RAD21: variants seen among roughly 807,000 people sequenced by gnomAD.
RAD21 encodes the protein RAD21 cohesin complex component.
RAD21 carries 18 observed loss-of-function variants against 71.5 expected under a neutral mutation model. The ratio of observed to expected loss-of-function variants is 0.25; its 90% CI spans 0.17 to 0.37. The LOEUF (loss-of-function observed/expected upper bound fraction) is 0.37. Ranked by LOEUF, RAD21 falls within the 10% of genes least tolerant of loss-of-function variation. The pLI, the probability that RAD21 is intolerant of heterozygous loss-of-function variation, is 1.00. For missense variants in RAD21, 493 were observed against 769.1 expected, an observed-to-expected ratio of 0.64 and a Z score of 4.25; for synonymous variants, 248 against 254.0, an observed-to-expected ratio of 0.98 and a Z score of 0.22.
chr8:116,858,012 G>A (rs1261928341), intron 5 of RAD21, among the ~76,000 whole-genome samples: 1 of 152,258 alleles, frequency 6.6e-6, no homozygotes, highest in South Asian at 2.1e-4. Context: ...TTGCTAACTA[G>A]TTTTGAATAC....
rs1027062379 is a variant in RAD21 at position 116,846,056 on chromosome 8, C to G, written c.*1444G>C. The G allele has an allele frequency of 6.1e-5, 14 of 231,008 alleles. No homozygotes were observed. Among genetic ancestry groups the G allele is most frequent in the Non-Finnish European group, 1.2e-4 (14 of 116,508 alleles). The allele number at this position is 231,008 out of a possible 1,614,324, so 14.3% of individuals were successfully genotyped here. On this transcript the variant is annotated 3_prime_UTR_variant, in exon 14 of 14. Transcript: ENST00000297338. ...GACTAACAAAATGTGTAACAAGAAA[C>G]TAATGACCTTTCTAAAATCAAACAT...
At chr8:116,856,394 C>G (rs1246233297) in intron 7 of RAD21, 106 bp from the exon 8 acceptor site, 2 of 1,323,840 alleles carry the variant, frequency 1.5e-6, no homozygotes, top group African/African-American at 3.1e-5. Flanking sequence ...GGAAAGAAAT[C>G]CTGTTATTAC....
At chr8:116,858,221 C>A in intron 5 of RAD21, 131 bp downstream of exon 5, 3 of 680,054 alleles carry the variant, frequency 4.4e-6, no homozygotes, top group East Asian at 2.7e-5. Context: ...AAGCCAAATT[C>A]TTTTCTTGAT....
At chr8:116,857,512 A>G (rs1190030062) in intron 5 of RAD21, 39 bp from the exon 6 acceptor site, 1 of 1,531,192 alleles carries the variant, frequency 6.5e-7, no homozygotes, top group African/African-American at 1.4e-5. Flanking sequence ...TAGAAAGATT[A>G]GAAATAGCAC....
intron 8 of RAD21, among the ~76,000 whole-genome samples, chr8:116,854,791 T>C: frequency 6.6e-6 from 1 of 152,170 alleles, no homozygotes; most frequent in East Asian, 1.9e-4. Flanking sequence ...TATCACACTC[T>C]TCAGAGTTGG....
intron 9 of RAD21, 42 bp from the exon 10 acceptor site, chr8:116,852,750 A>T (rs1201488740): frequency 7.4e-7 from 1 of 1,352,932 alleles, no homozygotes; most frequent in African/African-American, 1.5e-5. Context: ...TTATAAAATA[A>T]ATCTAATTAA....
chr8:116,850,535 CAATT>C, intron 12 of RAD21, 79 bp downstream of exon 12: 1 of 1,545,114 alleles, frequency 6.5e-7, no homozygotes, highest in South Asian at 1.2e-5. Context: ...TGCTCAGCAT[CAATT>C]AAGTTAGCCC....
intron 8 of RAD21, 94 bp downstream of exon 8, chr8:116,856,072 T>C (rs1467801753): frequency 1.4e-6 from 2 of 1,391,906 alleles, no homozygotes; most frequent in Non-Finnish European, 1.9e-6. Flanking sequence ...AGCCTAGTTA[T>C]CTAATACAAC....
chr8:116,872,368 G>C (rs955930246), intron 1 of RAD21, among the ~76,000 whole-genome samples: 12 of 152,086 alleles, frequency 7.9e-5, no homozygotes, highest in African/African-American at 2.9e-4. Context: ...GTGCAAAAAA[G>C]TTGGAGTTTT....
In RAD21 at chr8:116,846,621, T is replaced by C; in HGVS notation, c.*879A>G. 4.4e-6 allele frequency: 1 copy of C among 227,856 alleles called. No individual in the cohort carries two copies. The highest frequency in any genetic ancestry group is 8.7e-6 in the Non-Finnish European group (1 of 114,394). 14.1% of individuals were successfully genotyped at this position (227,856 alleles called of 1,614,324 possible). ...CTGCTTAAAAGCTAAGTTGACCAGG[T>C]GCATAATTTCCCATCAGTCTGTCCT... is the stretch of plus-strand genomic sequence containing the variant. On this transcript the variant is annotated 3_prime_UTR_variant, in exon 14 of 14. Transcript: ENST00000297338.
At chr8:116,872,446 A>C (rs1425557697) in intron 1 of RAD21, among the ~76,000 whole-genome samples, 3 of 152,172 alleles carry the variant, frequency 2.0e-5, no homozygotes, top group Non-Finnish European at 2.9e-5. Context: ...TGTGGCGTAC[A>C]CATGAAACTG....
At chr8:116,857,712 T>C (rs1207280285) in intron 5 of RAD21, among the ~76,000 whole-genome samples, 1 of 152,234 alleles carries the variant, frequency 6.6e-6, no homozygotes, top group Non-Finnish European at 1.5e-5. Context: ...GATCTAGATT[T>C]AAATGATCCT....
At chr8:116,852,323 A>G (rs1812367283) in intron 10 of RAD21, 1 of 637,840 alleles carries the variant, frequency 1.6e-6, no homozygotes, top group East Asian at 2.8e-5. Context: ...ACAATGTAGG[A>G]CAATTCTTTA....
chr8:116,861,807 A>C (rs928579218), intron 4 of RAD21, 34 bp downstream of exon 4: 1 of 1,513,124 alleles, frequency 6.6e-7, no homozygotes, highest in Non-Finnish European at 9.2e-7. Context: ...ATTGCAGACC[A>C]AGTCAACAAT....
intron 1 of RAD21, among the ~76,000 whole-genome samples, chr8:116,872,539 T>TACACAC (rs5894355): frequency 0.025 from 3,775 of 148,322 alleles, 65 homozygotes; most frequent in Non-Finnish European, 0.034. Flanking sequence ...TATATATACA[T>TACACAC]ACACACACAC....
intron 4 of RAD21, among the ~76,000 whole-genome samples, chr8:116,860,770 A>G (rs553615445): frequency 1.3e-5 from 2 of 152,304 alleles, no homozygotes; most frequent in African/African-American, 2.4e-5. Context: ...GTATGTCTAT[A>G]TTAAGGAATA....
In RAD21 at chr8:116,856,662, C is replaced by T. The variant is rs1812474946; in HGVS notation, c.798G>A (p.Glu266=). 6.3e-7 allele frequency: 1 copy of T among 1,595,888 alleles called. No homozygotes were observed. The highest frequency in any genetic ancestry group is 1.7e-5 in the Admixed American group (1 of 57,504). The change falls in exon 7 of 14, where the codon GAG becomes GAA. Residue 266 remains glutamate (E), a synonymous_variant. Coordinates refer to ENST00000297338, the MANE Select transcript of RAD21 (RefSeq NM_006265.3). ...PEQPAHDDMD[E]DDNVSMGGPD... ...AATGCTTACTTGATACATTATCATC[C>T]TCATCCATATCGTCATGTGCAGGCT...
chr8:116,861,380 G>A (rs551833229), intron 4 of RAD21, among the ~76,000 whole-genome samples: 1 of 151,044 alleles, frequency 6.6e-6, no homozygotes, highest in African/African-American at 2.4e-5. Flanking sequence ...TGTGTGTCAT[G>A]ACAATGACCC....
chr8:116,859,302 T>A (rs1812536297), intron 4 of RAD21, among the ~76,000 whole-genome samples: 1 of 152,188 alleles, frequency 6.6e-6, no homozygotes, highest in Non-Finnish European at 1.5e-5. Context: ...GCTTACTTCA[T>A]GCCTCTGTGT....
Sources: gnomAD v4.1 joint callset for allele counts (sites outside exome capture counted in the v4.1 genomes callset) on GRCh38, gnomAD v4.1.1 for gene constraint, MANE v1.5 for transcripts, NCBI Gene and HGNC (gene_info 2026-07-23, HGNC 2026-07-21) for gene names.